Variants in PCDH15 observed in about 807,000 individuals in gnomAD.
PCDH15 encodes the protein protocadherin related 15.
A neutral mutation model predicts 178.5 loss-of-function variants in PCDH15; 129 were observed. The ratio of observed to expected loss-of-function variants is 0.72; its 90% CI spans 0.63 to 0.84. The LOEUF (loss-of-function observed/expected upper bound fraction) is 0.84, where lower values mean the gene tolerates loss of function less well. PCDH15 is among the 40% of genes least tolerant of loss of function. The pLI, the probability that PCDH15 is intolerant of heterozygous loss-of-function variation, is 0.00. For synonymous variants in PCDH15, 800 were observed against 732.0 expected (o/e 1.09, Z -1.50); for missense variants, 2,230 against 2,099.9 (o/e 1.06, Z -1.21).
chr10:54,853,418 T>TATATATATATATAC (rs1953677466), intron 3 of PCDH15, among the ~76,000 whole-genome samples: 1 of 142,552 alleles, frequency 7.0e-6, no homozygotes, highest in Admixed American at 7.2e-5. Context: ...TATATACACA[T>TATATATATATATAC]ACATATATAT....
chr10:54,172,985 A>AT (rs2133653354), intron 13 of PCDH15, among the ~76,000 whole-genome samples: 1 of 152,318 alleles, frequency 6.6e-6, no homozygotes, highest in South Asian at 2.1e-4. Flanking sequence ...ATAACGTCTG[A>AT]AAAATAATAT....
chr10:55,269,978 A>T (rs528800176), intron 1 of PCDH15, among the ~76,000 whole-genome samples: 6 of 152,206 alleles, frequency 3.9e-5, no homozygotes, highest in African/African-American at 1.4e-4. Context: ...AATAAAGTTG[A>T]ACAGTTACAA....
At chr10:54,500,937 A>G (rs998545365) in intron 3 of PCDH15, among the ~76,000 whole-genome samples, 2 of 152,124 alleles carry the variant, frequency 1.3e-5, no homozygotes, top group African/African-American at 4.8e-5. Context: ...TGTCCTTTGC[A>G]GGGACATAGA....
intron 2 of PCDH15, among the ~76,000 whole-genome samples, chr10:54,622,609 AT>A (rs1348255752): frequency 3.3e-4 from 31 of 93,250 alleles, no homozygotes; most frequent in African/African-American, 1.2e-3. Context: ...AATATATATA[AT>A]TATATATAAT....
intron 3 of PCDH15, among the ~76,000 whole-genome samples, chr10:54,877,957 T>TGAAACGGAGTC (rs1954180294): frequency 7.0e-5 from 1 of 14,302 alleles, no homozygotes; most frequent in Non-Finnish European, 1.5e-4. Context: ...TTTTTTTTTT[T>TGAAACGGAGTC]TTTTTTTTTT....
At chr10:55,443,743 A>G (rs1839249966) in intron 2 of PCDH15, among the ~76,000 whole-genome samples, 1 of 152,172 alleles carries the variant, frequency 6.6e-6, no homozygotes, top group African/African-American at 2.4e-5. Flanking sequence ...TCAAGGATCT[A>G]GAACTAGAAA....
intron 2 of PCDH15, among the ~76,000 whole-genome samples, chr10:55,555,883 T>C (rs569801677): frequency 5.9e-5 from 9 of 152,234 alleles, no homozygotes; most frequent in Non-Finnish European, 1.3e-4. Context: ...AGTCGCATTA[T>C]TTTTCCTCCC....
At chr10:55,408,350 TA>T (rs1838253291) in intron 2 of PCDH15, among the ~76,000 whole-genome samples, 1 of 151,956 alleles carries the variant, frequency 6.6e-6, no homozygotes, top group African/African-American at 2.4e-5. Context: ...CACGCCCTAC[TA>T]TTTTTTGTAT....
intron 9 of PCDH15, among the ~76,000 whole-genome samples, chr10:54,218,465 A>G (rs2134157456): frequency 6.6e-6 from 1 of 152,316 alleles, no homozygotes; most frequent in Non-Finnish European, 1.5e-5. Flanking sequence ...AAATGAGTCT[A>G]TATGGGTGGG....
At chr10:55,540,004 T>C (rs1841722193) in intron 2 of PCDH15, among the ~76,000 whole-genome samples, 1 of 152,064 alleles carries the variant, frequency 6.6e-6, no homozygotes, top group Admixed American at 6.6e-5. Flanking sequence ...AATATACCTA[T>C]GTAATTGTGG....
At chr10:54,191,643 C>T (rs942025696) in intron 11 of PCDH15, among the ~76,000 whole-genome samples, 1 of 151,648 alleles carries the variant, frequency 6.6e-6, no homozygotes, top group African/African-American at 2.4e-5. Context: ...GTGGGCCAGA[C>T]GCAGTGGCTC....
In PCDH15 at chr10:54,257,403, C is replaced by CTTCTTT; in HGVS notation, c.877-20473_877-20472insAAAGAA. 1.6e-5 allele frequency among the ~76,000 whole-genome samples: 2 copies of CTTCTTT among 125,990 alleles called. 1 individual carries two copies. Among genetic ancestry groups the CTTCTTT allele is most frequent in the South Asian group, 5.0e-4 (2 of 4,032 alleles). The allele number at this position is 125,990 out of a possible 152,430, so 82.7% of individuals were successfully genotyped here. A position where few individuals can be genotyped will look rare whatever the true frequency, so the allele number is the denominator to read the frequency against. On this transcript the variant is annotated intron_variant, in intron 8 of 37. Transcript: ENST00000644397. ...TGTGTGAAATAAAGAGAATTGTCTT[C>CTTCTTT]TTTTTTTTTTTTTTTTTGTCAAAGA...
At chr10:53,920,851 C>T (rs957567458) in intron 25 of PCDH15, among the ~76,000 whole-genome samples, 13 of 152,054 alleles carry the variant, frequency 8.5e-5, no homozygotes, top group South Asian at 6.2e-4. Context: ...TGGATTTACT[C>T]GTGAAGATTC....
intron 2 of PCDH15, among the ~76,000 whole-genome samples, chr10:55,034,328 G>GTTGAA (rs930739084): frequency 3.5e-4 from 53 of 152,240 alleles, no homozygotes; most frequent in African/African-American, 1.3e-3. Flanking sequence ...AACAGTGAGA[G>GTTGAA]TTGAATGTTA....
At chr10:55,255,207 G>T (rs947444833) in intron 1 of PCDH15, among the ~76,000 whole-genome samples, 9 of 138,366 alleles carry the variant, frequency 6.5e-5, no homozygotes, top group East Asian at 2.3e-4. Context: ...GCGGTGTTTG[G>T]TTTTTTGTCC....
intron 2 of PCDH15, chr10:55,512,938 C>A (rs1840919745): frequency 6.6e-6 from 1 of 152,090 alleles, no homozygotes; most frequent in Admixed American, 6.6e-5. Flanking sequence ...TTTCCTAAAT[C>A]TTTAACTCGT....
intron 25 of PCDH15, among the ~76,000 whole-genome samples, chr10:53,906,305 C>G (rs2082678815): frequency 6.6e-6 from 1 of 151,748 alleles, no homozygotes; most frequent in Non-Finnish European, 1.5e-5. Context: ...TTATGTATCC[C>G]TCCTTTGAAA....
chr10:54,264,208 C>T (rs11004187), intron 8 of PCDH15, among the ~76,000 whole-genome samples: 15,151 of 152,072 alleles, frequency 0.1, 1,534 homozygotes, highest in African/African-American at 0.26. Context: ...ATAAACTCCC[C>T]TTCAAATGTA....
intron 2 of PCDH15, among the ~76,000 whole-genome samples, chr10:55,526,203 T>C (rs1841297742): frequency 1.3e-5 from 2 of 151,956 alleles, no homozygotes; most frequent in Non-Finnish European, 2.9e-5. Flanking sequence ...TATTAAACTT[T>C]CTAAGCATTG....
Sources: allele counts gnomAD v4.1 joint callset (sites outside exome capture counted in the v4.1 genomes callset), GRCh38; gene constraint gnomAD v4.1.1; transcripts MANE v1.5; gene names NCBI Gene and HGNC (gene_info 2026-07-23, HGNC 2026-07-21).